Variants in ILDR1 observed in about 807,000 individuals in gnomAD.
ILDR1 encodes immunoglobulin-like domain-containing receptor 1.
ILDR1 carries 56 observed loss-of-function variants against 62.4 expected under a neutral mutation model. That is an observed-to-expected ratio of 0.90 (90% CI 0.72 to 1.12). The LOEUF is 1.12. ILDR1 is among the 50% of genes most tolerant of loss of function. ILDR1 has a pLI of 0.00. For synonymous variants in ILDR1, 284 were observed against 277.8 expected (o/e 1.02, Z -0.22); for missense variants, 736 against 710.6 (o/e 1.04, Z -0.41).
At chr3:121,996,746 T>C (rs1030779334) in intron 5 of ILDR1, among the ~76,000 whole-genome samples, 5 of 152,118 alleles carry the variant, frequency 3.3e-5, no homozygotes, top group East Asian at 1.9e-4. Context: ...GCAAGAAAAT[T>C]TGTATTTTCA....
In ILDR1 at chr3:121,990,752, ACTT is replaced by A. The variant is rs1202632917; in HGVS notation, c.1600-2347_1600-2345del. The stretch of plus-strand genomic sequence containing the variant: ...GGTACATGCCACTGCACTTGACTAT[ACTT>A]CTCTCTAAGGAGGCAGCATGAATTA... On this transcript the variant is annotated intron_variant, in intron 7 of 7. Coordinates refer to ENST00000344209, the MANE Select transcript of ILDR1 (RefSeq NM_001199799.2). 3.3e-5 allele frequency among the ~76,000 whole-genome samples: 5 copies of A among 152,236 alleles called. No homozygotes were observed. The East Asian group carries it at 9.7e-4, about 29-fold the overall frequency.
At chr3:122,008,262 AG>A (rs1245485657) in intron 1 of ILDR1, among the ~76,000 whole-genome samples, 1 of 152,218 alleles carries the variant, frequency 6.6e-6, no homozygotes, top group Non-Finnish European at 1.5e-5. Context: ...CCAAACCTAC[AG>A]GCATACTTAA....
At chr3:122,049,364 A>G in the ILDR1 span, among the ~76,000 whole-genome samples, 2 of 152,198 alleles carry the variant, frequency 1.3e-5, no homozygotes, top group African/African-American at 4.8e-5. Flanking sequence ...ATTAGGTAGA[A>G]TGTTCTGTGT....
intron 3 of ILDR1, among the ~76,000 whole-genome samples, chr3:122,004,632 T>C (rs1488037061): frequency 1.3e-5 from 2 of 152,168 alleles, no homozygotes; most frequent in East Asian, 3.8e-4. Flanking sequence ...GCGCTAGATA[T>C]TCACTTTGGA....
At chr3:121,991,212 A>G (rs562014505) in intron 7 of ILDR1, among the ~76,000 whole-genome samples, 1 of 152,328 alleles carries the variant, frequency 6.6e-6, no homozygotes, top group Admixed American at 6.5e-5. Context: ...AAGAAAAAAA[A>G]AAGAAAGCCT....
intron 1 of ILDR1, among the ~76,000 whole-genome samples, chr3:122,008,815 A>G (rs1412094968): frequency 1.3e-5 from 2 of 148,632 alleles, no homozygotes; most frequent in African/African-American, 2.5e-5. Context: ...CTAGGCTCAA[A>G]CTCCTGACCT....
In ILDR1 at chr3:121,993,390, C is replaced by T. The variant is rs764388719; in HGVS notation, c.1359G>A (p.Arg453=). ...GTCTCCCGTGCCTCTGAGTGCTCTC[C>T]CGGGGGCTGGGCCTGCGGGGCCTCT... ...CQERPRRPSP[R]ESTQRHGRRR... is the part of the protein sequence containing the mutation. Residue 453 remains arginine, a synonymous_variant, in exon 7 of 8, where the codon CGG becomes CGA. Transcript: ENST00000344209. The T allele has an allele frequency of 1.2e-6, 2 of 1,613,178 alleles. No individual in the cohort carries two copies. Among genetic ancestry groups the T allele is most frequent in the Non-Finnish European group, 1.7e-6 (2 of 1,179,358 alleles).
chr3:121,988,417 T>C lies in ILDR1; in HGVS notation c.1600-9A>G. Reference sequence around the variant, plus strand: ...TGAGAGCTGTCTTTCTCCTGGGAAATAGAAGAATACACACACAAAAAAAAT... The same window carrying C: ...TGAGAGCTGTCTTTCTCCTGGGAAACAGAAGAATACACACACAAAAAAAAT... On this transcript the variant is annotated splice_polypyrimidine_tract_variant and intron_variant, in intron 7 of 7. Transcript: ENST00000344209. 2 of 1,612,088 alleles carry C rather than the reference T, an allele frequency of 1.2e-6. No individual in the cohort carries two copies. The highest frequency in any genetic ancestry group is 1.7e-6 in the Non-Finnish European group (2 of 1,178,290).
chr3:122,031,506 G>A, the ILDR1 span, among the ~76,000 whole-genome samples: 3 of 152,088 alleles, frequency 2.0e-5, no homozygotes, highest in African/African-American at 7.2e-5. Flanking sequence ...ATATTTCTGT[G>A]CCCCCAAATT....
chr3:122,027,058 T>G (rs2071928078), upstream of ILDR1, among the ~76,000 whole-genome samples: 1 of 152,328 alleles, frequency 6.6e-6, no homozygotes, highest in Admixed American at 6.5e-5. Flanking sequence ...ATTAAGTAAC[T>G]AGAAATAAGT....
intron 5 of ILDR1, among the ~76,000 whole-genome samples, chr3:121,997,538 T>C (rs2071454324): frequency 6.6e-6 from 1 of 152,202 alleles, no homozygotes; most frequent in Non-Finnish European, 1.5e-5. Context: ...ACTTCATCTC[T>C]ATTGATGAAG....
At chr3:122,037,415 G>A in the ILDR1 span, among the ~76,000 whole-genome samples, 107 of 152,332 alleles carry the variant, frequency 7.0e-4, no homozygotes, top group African/African-American at 2.4e-3. Flanking sequence ...GTGAGACATT[G>A]AATCAAAGGA....
rs553275383 is a variant in ILDR1 at position 122,010,429 on chromosome 3, T to A, written c.59-3268A>T. ...AATGAAAAAAAAATATATATCATTT[T>A]AAAAATAAACCTTGAGTGGTTTTGG... On this transcript the variant is annotated intron_variant, in intron 1 of 7. Transcript: ENST00000344209. Among the ~76,000 whole-genome samples the A allele has an allele frequency of 2.0e-5, 3 of 152,302 alleles. No individual in the cohort carries two copies. The East Asian group carries it at 5.8e-4, about 29-fold the overall frequency.
chr3:122,028,173 G>GAA, the ILDR1 span, among the ~76,000 whole-genome samples: 1,979 of 143,708 alleles, frequency 0.014, 45 homozygotes, highest in African/African-American at 0.047. Context: ...TAAAAATACG[G>GAA]AAAAAAAAAA....
At chr3:122,057,339 G>A in the ILDR1 span, among the ~76,000 whole-genome samples, 1 of 152,104 alleles carries the variant, frequency 6.6e-6, no homozygotes, top group East Asian at 1.9e-4. Flanking sequence ...GAAAATCTTA[G>A]AAACAATTTA....
At chr3:122,061,075 G>A in the ILDR1 span, among the ~76,000 whole-genome samples, 39 of 152,222 alleles carry the variant, frequency 2.6e-4, no homozygotes, top group African/African-American at 8.4e-4. Flanking sequence ...ATTAGGTGTC[G>A]AATCAGATTT....
the ILDR1 span, among the ~76,000 whole-genome samples, chr3:122,030,710 T>G: frequency 2.6e-5 from 4 of 151,938 alleles, no homozygotes; most frequent in African/African-American, 9.7e-5. Context: ...AGAACTACTC[T>G]GAAATTATGA....
chr3:122,046,126 T>C, the ILDR1 span, among the ~76,000 whole-genome samples: 1 of 151,874 alleles, frequency 6.6e-6, no homozygotes, highest in Admixed American at 6.6e-5. Flanking sequence ...GGTGACAAAA[T>C]CTCTCAGCGT....
intron 1 of ILDR1, 121 bp downstream of exon 1, chr3:122,021,899 G>C: frequency 1.1e-6 from 1 of 910,928 alleles, no homozygotes; most frequent in Admixed American, 2.2e-5. Flanking sequence ...CCCATGCCAA[G>C]CGCCACCAGA....
Sources: allele counts gnomAD v4.1 joint callset (sites outside exome capture counted in the v4.1 genomes callset), GRCh38; gene constraint gnomAD v4.1.1; transcripts MANE v1.5; gene names NCBI Gene and HGNC (gene_info 2026-07-23, HGNC 2026-07-21).